TRAP1: variants seen among roughly 807,000 people sequenced by gnomAD.
The protein encoded by TRAP1 is TNF receptor associated protein 1.
TRAP1 carries 102 observed loss-of-function variants against 89.1 expected under a neutral mutation model. That is an observed-to-expected ratio of 1.15 (90% CI 0.98 to 1.35). The LOEUF (loss-of-function observed/expected upper bound fraction) is 1.35. Among genes scored for constraint, TRAP1 ranks in the 40% most tolerant of loss-of-function variants. TRAP1 has a pLI of 0.00. For synonymous variants in TRAP1, 508 were observed against 388.0 expected (o/e 1.31, Z -3.64); for missense variants, 1,256 against 945.3 (o/e 1.33, Z -4.31).
rs535105955 is a variant in TRAP1 at position 3,712,200 on chromosome 16, A to T, written c.88+5221T>A. 3.2e-4 allele frequency among the ~76,000 whole-genome samples: 47 copies of T among 147,738 alleles called. 2 individuals carry two copies. In the South Asian group the frequency reaches 7.6e-3, roughly 24 times the overall value. The stretch of plus-strand genomic sequence containing the variant: ...GCTACTCAGGAGGCTGAGGCAGGAG[A>T]ACTGCCTGAATTCAGGAGGCGGAAG... On this transcript the variant is annotated intron_variant, in intron 1 of 17. Coordinates refer to ENST00000246957, the MANE Select transcript of TRAP1 (RefSeq NM_016292.3).
chr16:3,674,616 G>A (rs1311603275), intron 8 of TRAP1, 122 bp from the exon 9 acceptor site: 1 of 1,247,090 alleles, frequency 8.0e-7, no homozygotes, highest in Non-Finnish European at 1.1e-6. Flanking sequence ...GACGGGCGGT[G>A]GTCTCAGGCG....
chr16:3,696,257 C>A (rs1306252251), intron 1 of TRAP1, among the ~76,000 whole-genome samples: 1 of 152,092 alleles, frequency 6.6e-6, no homozygotes, highest in South Asian at 2.1e-4. Context: ...CACAGAGGAG[C>A]CTAGGACACC....
intron 1 of TRAP1, among the ~76,000 whole-genome samples, chr16:3,707,213 T>C (rs894672664): frequency 5.7e-5 from 8 of 139,136 alleles, no homozygotes; most frequent in Middle Eastern, 3.9e-3. Context: ...TGAGGCGGAG[T>C]CTCGCTCTGT....
At chr16:3,664,536 C>T (rs1272154857) in intron 12 of TRAP1, 77 bp from the exon 13 acceptor site, 4 of 1,458,544 alleles carry the variant, frequency 2.7e-6, no homozygotes, top group South Asian at 2.6e-5. Flanking sequence ...GGCGCAAACC[C>T]TCCGATGCCC....
At chr16:3,689,230 A>G in intron 2 of TRAP1, 93 bp from the exon 3 acceptor site, 1 of 812,386 alleles carries the variant, frequency 1.2e-6, no homozygotes, top group African/African-American at 1.8e-5. Flanking sequence ...GCTTAAGTTT[A>G]TGAGTTTTAA....
At chr16:3,658,663 C>T in intron 17 of TRAP1, 130 bp downstream of exon 17, 2 of 895,980 alleles carry the variant, frequency 2.2e-6, no homozygotes, top group East Asian at 2.7e-5. Flanking sequence ...CAGAGCAACA[C>T]TCCATCTCAA....
chr16:3,696,658 G>A (rs1434207685), intron 1 of TRAP1, among the ~76,000 whole-genome samples: 1 of 151,952 alleles, frequency 6.6e-6, no homozygotes, highest in Non-Finnish European at 1.5e-5. Context: ...CCGGGCTCAG[G>A]TGATCCTCCC....
rs937369783 is a variant in TRAP1, at chr16:3,717,357, G to A, written c.88+64C>T. The stretch of plus-strand genomic sequence containing the variant: ...CCGGCGCCTCGCTCCCCGGAGCACA[G>A]GGACGTCCCTGCCGTCTCCGTGGCC... On this transcript the variant is annotated intron_variant, in intron 1 of 17. Coordinates refer to ENST00000246957, the MANE Select transcript of TRAP1 (RefSeq NM_016292.3). 10 of 651,012 alleles carry A rather than the reference G, an allele frequency of 1.5e-5. No individual in the cohort carries two copies. In the African/African-American group the frequency reaches 1.7e-4, roughly 11 times the overall value. The allele number at this position is 651,012 out of a possible 1,614,324, so 40.3% of individuals were successfully genotyped here.
At position 3,680,035 on chromosome 16, in the gene TRAP1, G is replaced by A. The variant is rs2051054304; in HGVS notation, c.472-245C>T. The A allele has an allele frequency of 6.8e-6, 3 of 439,508 alleles. No homozygotes were observed. The South Asian group carries it at 8.4e-5, about 12-fold the overall frequency. The allele number at this position is 439,508 out of a possible 1,614,324, so 27.2% of individuals were successfully genotyped here. On this transcript the variant is annotated intron_variant, in intron 4 of 17. Transcript: ENST00000246957. ...ACTTGAGGCCAGGAGTTCAAGACCA[G>A]CCTGGCCAACATGGTAAAACCCCAT... is the stretch of plus-strand genomic sequence containing the variant.
intron 3 of TRAP1, 126 bp from the exon 4 acceptor site, chr16:3,686,262 G>C (rs1443830523): frequency 1.6e-5 from 19 of 1,163,368 alleles, no homozygotes; most frequent in Admixed American, 2.4e-5. Context: ...AAAGCATAAA[G>C]AGTTTCTGCT....
At chr16:3,692,835 G>A (rs374596454) in intron 1 of TRAP1, among the ~76,000 whole-genome samples, 95 of 151,998 alleles carry the variant, frequency 6.3e-4, no homozygotes, top group African/African-American at 2.2e-3. Context: ...TTGACCTCAG[G>A]CGATCTGCCC....
intron 16 of TRAP1, chr16:3,660,729 T>A (rs934602802): frequency 3.9e-5 from 6 of 151,968 alleles, no homozygotes; most frequent in Admixed American, 2.0e-4. Context: ...GGTTGTAAAA[T>A]GACAAAAGAA....
At chr16:3,659,554 T>G (rs1253687641) in intron 16 of TRAP1, 1 of 152,200 alleles carries the variant, frequency 6.6e-6, no homozygotes, top group African/African-American at 2.4e-5. Context: ...GGAAAAAGCA[T>G]CATGTAGTAT....
At chr16:3,659,979 G>A (rs1368115428) in intron 16 of TRAP1, 1 of 152,096 alleles carries the variant, frequency 6.6e-6, no homozygotes. Context: ...CACCCGCCTA[G>A]GCCTCCCAAA....
At chr16:3,681,210 AAC>A (rs1432258371) in intron 4 of TRAP1, among the ~76,000 whole-genome samples, 1 of 152,180 alleles carries the variant, frequency 6.6e-6, no homozygotes, top group Non-Finnish European at 1.5e-5. Context: ...GGCCCTCAGA[AAC>A]AGTTTTCTGA....
intron 8 of TRAP1, among the ~76,000 whole-genome samples, chr16:3,675,109 ACCCTGAC>A (rs1307530389): frequency 6.6e-6 from 1 of 152,002 alleles, no homozygotes; most frequent in African/African-American, 2.4e-5. Flanking sequence ...GCCTCAGTGA[ACCCTGAC>A]CCCTGACCCC....
At chr16:3,658,618 A>C in intron 17 of TRAP1, 175 bp downstream of exon 17, 1 of 638,558 alleles carries the variant, frequency 1.6e-6, no homozygotes, top group East Asian at 2.8e-5. Flanking sequence ...GGTTGTAGTG[A>C]GCCAAGATCG....
At chr16:3,670,709 A>G (rs542891558) in intron 11 of TRAP1, among the ~76,000 whole-genome samples, 1 of 152,184 alleles carries the variant, frequency 6.6e-6, no homozygotes, top group Admixed American at 6.5e-5. Context: ...TCAGTCAACC[A>G]ATAAAACATC....
chr16:3,692,819 G>A (rs1450423040), intron 1 of TRAP1, among the ~76,000 whole-genome samples: 1 of 151,558 alleles, frequency 6.6e-6, no homozygotes, highest in Non-Finnish European at 1.5e-5. Context: ...GGCTGGTCTC[G>A]AACTCTTGAC....
Sources: gnomAD v4.1 joint callset for allele counts (sites outside exome capture counted in the v4.1 genomes callset) on GRCh38, gnomAD v4.1.1 for gene constraint, MANE v1.5 for transcripts, NCBI Gene and HGNC (gene_info 2026-07-23, HGNC 2026-07-21) for gene names.